RSPO1: variants seen among roughly 807,000 people sequenced by gnomAD.
RSPO1 encodes the protein R-spondin-1.
RSPO1 carries 18 observed loss-of-function variants against 26.0 expected under a neutral mutation model. That is an observed-to-expected ratio of 0.69 (90% confidence interval 0.48 to 1.03). The LOEUF (loss-of-function observed/expected upper bound fraction) is 1.03, where lower values mean the gene tolerates loss of function less well. Among genes scored for constraint, RSPO1 ranks in the 50% least tolerant of loss-of-function variants. The probability of loss-of-function intolerance (pLI) is 0.00; values close to 1 mark genes in which losing one functional copy is unlikely to be tolerated. For synonymous variants in RSPO1, 133 were observed against 137.4 expected, an observed-to-expected ratio of 0.97 and a Z score of 0.22; for missense variants, 309 against 352.3, an observed-to-expected ratio of 0.88 and a Z score of 0.98.
intron 3 of RSPO1, among the ~76,000 whole-genome samples, chr1:37,619,170 C>T (rs967044432): frequency 3.3e-5 from 5 of 152,216 alleles, no homozygotes; most frequent in Non-Finnish European, 5.9e-5. Flanking sequence ...CTGCAGTGAG[C>T]TGAGATCGTG....
intron 1 of RSPO1, among the ~76,000 whole-genome samples, 189 bp from the exon 2 acceptor site, chr1:37,632,542 G>A (rs1444665850): frequency 6.6e-6 from 1 of 152,242 alleles, no homozygotes; most frequent in Non-Finnish European, 1.5e-5. Context: ...GAAGCTGGAT[G>A]TGGAGGGGGT....
intron 4 of RSPO1, among the ~76,000 whole-genome samples, chr1:37,616,180 C>A (rs1478792256): frequency 6.6e-6 from 1 of 151,934 alleles, no homozygotes; most frequent in East Asian, 1.9e-4. Context: ...GACAGGCAGG[C>A]TTTGGTGATT....
At chr1:37,617,781 G>A (rs934559088) in intron 3 of RSPO1, among the ~76,000 whole-genome samples, 4 of 151,570 alleles carry the variant, frequency 2.6e-5, no homozygotes, top group African/African-American at 7.3e-5. Flanking sequence ...TCCTCATAGA[G>A]GCCCTTCCAT....
rs1395406389 is a variant in RSPO1 at position 37,632,361 on chromosome 1, A to G, written c.-355-8T>C. 1 of 152,188 alleles carries G rather than the reference A, an allele frequency of 6.6e-6. No individual in the cohort carries two copies. The highest frequency in any genetic ancestry group is 1.5e-5 in the Non-Finnish European group (1 of 68,050). 9.4% of individuals were successfully genotyped at this position (152,188 alleles called of 1,614,324 possible). A position where few individuals can be genotyped will look rare whatever the true frequency, so the allele number is the denominator to read the frequency against. On this transcript the variant is annotated splice_polypyrimidine_tract_variant and splice_region_variant and intron_variant, in intron 1 of 6. Coordinates refer to ENST00000356545, the MANE Select transcript of RSPO1 (RefSeq NM_001242908.2). ...AGGAAACCACAATCTCAGCTGGAAA[A>G]TCGTAAGGAGGATCCAGATGTAAAT... is the stretch of plus-strand genomic sequence containing the variant.
At chr1:37,633,111 G>T (rs114981907) in intron 1 of RSPO1, among the ~76,000 whole-genome samples, 248 of 152,318 alleles carry the variant, frequency 1.6e-3, no homozygotes, top group African/African-American at 5.8e-3. Context: ...CCAGGTCTTC[G>T]TTTACTCCTC....
At position 37,629,898 on chromosome 1, in the gene RSPO1, T is replaced by A. The variant is rs1186030496; in HGVS notation, c.-237A>T. ...ACTTCCTCAAAGATACCTCGGAATA[T>A]CATATGAGAGATCTTTTTGTCACGT... On this transcript the variant is annotated 5_prime_UTR_variant, in exon 3 of 7. Coordinates refer to ENST00000356545, the MANE Select transcript of RSPO1 (RefSeq NM_001242908.2). 4 of 1,548,484 alleles carry A rather than the reference T, an allele frequency of 2.6e-6. No homozygotes were observed. Among genetic ancestry groups the A allele is most frequent in the Non-Finnish European group, 2.6e-6 (3 of 1,145,184 alleles).
At chr1:37,626,500 A>G (rs942177627) in intron 3 of RSPO1, among the ~76,000 whole-genome samples, 1 of 152,062 alleles carries the variant, frequency 6.6e-6, no homozygotes, top group African/African-American at 2.4e-5. Flanking sequence ...CCCGAACTGG[A>G]TTGACATTTT....
At chr1:37,619,233 AAAAC>A (rs772193737) in intron 3 of RSPO1, among the ~76,000 whole-genome samples, 1 of 152,332 alleles carries the variant, frequency 6.6e-6, no homozygotes, top group Non-Finnish European at 1.5e-5. Context: ...AAGACAAAAC[AAAAC>A]AAACAAACAA....
Position 37,634,164 on chromosome 1 carries a change from G to C in RSPO1, c.-356+402C>G, listed in dbSNP as rs529672045. Among the ~76,000 whole-genome samples, 1 of 152,180 alleles carries C rather than the reference G, an allele frequency of 6.6e-6. No homozygotes were observed. The highest frequency in any genetic ancestry group is 2.1e-4 in the South Asian group (1 of 4,830). On this transcript the variant is annotated intron_variant, in intron 1 of 6. Coordinates refer to ENST00000356545, the MANE Select transcript of RSPO1 (RefSeq NM_001242908.2). The surrounding 1 kb of genome is among the most constrained non-coding windows in gnomAD (Gnocchi z 4.7). ...AACCCAGGCCCAGGCTGCGGACTGGGGTGGGGGTCACCAGAGACCGTGGGA... is the reference window on the plus strand; with the variant it reads ...AACCCAGGCCCAGGCTGCGGACTGGCGTGGGGGTCACCAGAGACCGTGGGA...
intron 3 of RSPO1, among the ~76,000 whole-genome samples, chr1:37,620,392 T>C (rs1260829200): frequency 6.6e-6 from 1 of 152,056 alleles, no homozygotes; most frequent in East Asian, 1.9e-4. Context: ...CTCACACTTG[T>C]AATCCCAGAA....
At chr1:37,624,321 G>A (rs929780320) in intron 3 of RSPO1, among the ~76,000 whole-genome samples, 3 of 152,200 alleles carry the variant, frequency 2.0e-5, no homozygotes, top group South Asian at 2.1e-4. Flanking sequence ...GTTATGGGGG[G>A]TGTGCAGGGC....
chr1:37,628,361 T>C (rs1344991367), intron 3 of RSPO1, among the ~76,000 whole-genome samples: 2 of 152,236 alleles, frequency 1.3e-5, no homozygotes, highest in Non-Finnish European at 2.9e-5. Flanking sequence ...GCCAGGGATT[T>C]TCAGCTTCAC....
chr1:37,621,220 C>T (rs1030244436), intron 3 of RSPO1, among the ~76,000 whole-genome samples: 14 of 152,194 alleles, frequency 9.2e-5, no homozygotes, highest in Non-Finnish European at 1.8e-4. Flanking sequence ...GAGAGGGAAG[C>T]AGGGGCTGGA....
At chr1:37,623,979 C>A (rs1344482621) in intron 3 of RSPO1, among the ~76,000 whole-genome samples, 2 of 151,936 alleles carry the variant, frequency 1.3e-5, no homozygotes, top group Non-Finnish European at 2.9e-5. Flanking sequence ...CCAGGCTGGT[C>A]TTAAACTCCT....
intron 3 of RSPO1, among the ~76,000 whole-genome samples, chr1:37,626,894 G>A (rs544768012): frequency 6.6e-6 from 1 of 152,050 alleles, no homozygotes; most frequent in Non-Finnish European, 1.5e-5. Flanking sequence ...TCAGGGGTGA[G>A]GGCTAGCAAG....
chr1:37,617,688 A>AAAAAAAAAAAAAAAAAG (rs1553120745), intron 3 of RSPO1, among the ~76,000 whole-genome samples: 1 of 136,536 alleles, frequency 7.3e-6, no homozygotes, highest in Non-Finnish European at 1.6e-5. Context: ...AAAAAAAAAA[A>AAAAAAAAAAAAAAAAAG]AGAGAGAACC....
intron 3 of RSPO1, among the ~76,000 whole-genome samples, chr1:37,618,726 A>G (rs1298759858): frequency 6.6e-6 from 1 of 152,132 alleles, no homozygotes; most frequent in Non-Finnish European, 1.5e-5. Context: ...TGATTCCCAG[A>G]TGTTTGGCCT....
chr1:37,616,322 C>T (rs1257387963), intron 4 of RSPO1, among the ~76,000 whole-genome samples, 162 bp downstream of exon 4: 1 of 152,134 alleles, frequency 6.6e-6, no homozygotes, highest in African/African-American at 2.4e-5. Flanking sequence ...GATATTTACA[C>T]ACCAAGGTGG....
chr1:37,630,416 G>A (rs1448106065), intron 2 of RSPO1, among the ~76,000 whole-genome samples: 1 of 152,214 alleles, frequency 6.6e-6, no homozygotes, highest in Non-Finnish European at 1.5e-5. Context: ...CTGTCCTGGA[G>A]TTAGAGCAGT....
Sources: allele counts gnomAD v4.1 joint callset (sites outside exome capture counted in the v4.1 genomes callset), GRCh38; gene constraint gnomAD v4.1.1; non-coding constraint Gnocchi (gnomAD v3.1); transcripts MANE v1.5; gene names NCBI Gene and HGNC (gene_info 2026-07-23, HGNC 2026-07-21).